CA8: variants seen among roughly 807,000 people sequenced by gnomAD.
CA8 encodes carbonic anhydrase-related protein.
CA8 carries 22 observed loss-of-function variants against 41.4 expected under a neutral mutation model. That is an observed-to-expected ratio of 0.53 (90% CI 0.38 to 0.76). The LOEUF is 0.76. Ranked by LOEUF, CA8 falls within the 30% of genes least tolerant of loss-of-function variation. The pLI is 0.00. For synonymous variants in CA8, 121 were observed against 130.6 expected (o/e 0.93, Z 0.50); for missense variants, 270 against 352.8 (o/e 0.77, Z 1.88).
chr8:60,253,016 G>C (rs10094553), intron 3 of CA8, among the ~76,000 whole-genome samples: 52,335 of 151,740 alleles, frequency 0.34, 9,431 homozygotes, highest in African/African-American at 0.44. Context: ...GACCACTTGA[G>C]GTCAGGAGTT....
chr8:60,273,781 G>A (rs921137043), intron 2 of CA8, among the ~76,000 whole-genome samples: 1 of 152,232 alleles, frequency 6.6e-6, no homozygotes, highest in African/African-American at 2.4e-5. Flanking sequence ...TTGGATTTAG[G>A]GGATGATGAG....
rs961710660 is a variant in CA8 at position 60,280,861 on chromosome 8, ACGCCTCCCTGGAG to A, written c.100+174_100+186del. Among the ~76,000 whole-genome samples, 4 of 152,036 alleles carry A rather than the reference ACGCCTCCCTGGAG, an allele frequency of 2.6e-5. No individual in the cohort carries two copies. In the East Asian group the frequency reaches 7.7e-4, roughly 29 times the overall value. On this transcript the variant is annotated intron_variant, in intron 1 of 8. Transcript: ENST00000317995. The stretch of plus-strand genomic sequence containing the variant: ...CGGCGGAAGAGCGCAGGCGGCGAGC[ACGCCTCCCTGGAG>A]CGCCTCCCGCCCGAAACGCACCAGG...
At chr8:60,211,832 T>A (rs936370214) in intron 7 of CA8, among the ~76,000 whole-genome samples, 1 of 152,322 alleles carries the variant, frequency 6.6e-6, no homozygotes, top group East Asian at 1.9e-4. Context: ...TTTAGTCACT[T>A]CAAATGGTTT....
chr8:60,231,862 C>A (rs2130494428), intron 4 of CA8, among the ~76,000 whole-genome samples: 2 of 152,270 alleles, frequency 1.3e-5, no homozygotes, highest in Non-Finnish European at 2.9e-5. Flanking sequence ...TAAGGCATTT[C>A]AAGTCATCTC....
At position 60,232,278 on chromosome 8, in the gene CA8, G is replaced by T. The variant is rs374622415; in HGVS notation, c.513+6C>A. 3 of 1,602,396 alleles carry T rather than the reference G, an allele frequency of 1.9e-6. No individual in the cohort carries two copies. The highest frequency in any genetic ancestry group is 2.6e-6 in the Non-Finnish European group (3 of 1,169,372). Reference sequence around the variant, plus strand: ...AACAATACGATAATCACAGCAGACCGTTTACCTGAACAAACAGAGCAATGA... The same window carrying T: ...AACAATACGATAATCACAGCAGACCTTTTACCTGAACAAACAGAGCAATGA... On this transcript the variant is annotated splice_donor_region_variant and intron_variant, in intron 4 of 8. Transcript: ENST00000317995.
chr8:60,195,266 C>T (rs1806249360), intron 8 of CA8, among the ~76,000 whole-genome samples: 1 of 152,180 alleles, frequency 6.6e-6, no homozygotes, highest in East Asian at 1.9e-4. Flanking sequence ...TAGCAGATGC[C>T]ATCTTTCACA....
At chr8:60,190,938 CTA>C (rs35486936) in intron 8 of CA8, among the ~76,000 whole-genome samples, 45,582 of 117,476 alleles carry the variant, frequency 0.39, 10,745 homozygotes, top group Admixed American at 0.51. Flanking sequence ...CACACACACA[CTA>C]TATATATATA....
At chr8:60,212,156 A>G (rs764305810) in intron 7 of CA8, among the ~76,000 whole-genome samples, 35 of 152,232 alleles carry the variant, frequency 2.3e-4, no homozygotes, top group Admixed American at 6.5e-4. Context: ...TCTTTGAACG[A>G]CAGGTGCACT....
At chr8:60,277,245 A>G (rs1804269370) in intron 2 of CA8, among the ~76,000 whole-genome samples, 3 of 152,302 alleles carry the variant, frequency 2.0e-5, no homozygotes, top group South Asian at 2.1e-4. Flanking sequence ...ACCACAGGAG[A>G]AACAGCTAGA....
At chr8:60,235,662 A>G (rs930744257) in intron 3 of CA8, among the ~76,000 whole-genome samples, 12 of 152,238 alleles carry the variant, frequency 7.9e-5, no homozygotes, top group African/African-American at 2.9e-4. Flanking sequence ...CCACAGAGGC[A>G]GGAAAATTAT....
chr8:60,194,100 T>C (rs1329660672), intron 8 of CA8, among the ~76,000 whole-genome samples: 1 of 152,138 alleles, frequency 6.6e-6, no homozygotes, highest in African/African-American at 2.4e-5. Context: ...TATTCCTTTC[T>C]TAATAGCACC....
intron 7 of CA8, among the ~76,000 whole-genome samples, chr8:60,211,126 CAT>C (rs1806820001): frequency 6.6e-6 from 1 of 152,182 alleles, no homozygotes; most frequent in South Asian, 2.1e-4. Flanking sequence ...TCAGTTTCCA[CAT>C]GTGTATAACA....
chr8:60,211,174 GGAAATAA>G (rs1268309481), intron 7 of CA8, among the ~76,000 whole-genome samples: 13 of 152,130 alleles, frequency 8.5e-5, no homozygotes, highest in African/African-American at 3.1e-4. Context: ...GGATAGCCTA[GGAAATAA>G]GAAAGAACAT....
chr8:60,248,063 G>A (rs916149193), intron 3 of CA8, among the ~76,000 whole-genome samples: 6 of 151,346 alleles, frequency 4.0e-5, no homozygotes, highest in African/African-American at 9.7e-5. Context: ...CTTTTGAGAA[G>A]TGTCTGTTCA....
intron 3 of CA8, among the ~76,000 whole-genome samples, chr8:60,239,521 T>C (rs185187418): frequency 2.4e-4 from 37 of 152,288 alleles, no homozygotes; most frequent in Non-Finnish European, 1.9e-4. Context: ...AATCTCATAA[T>C]GTTTTAAGAA....
At chr8:60,212,894 A>G (rs531361185) in intron 7 of CA8, among the ~76,000 whole-genome samples, 9 of 152,328 alleles carry the variant, frequency 5.9e-5, no homozygotes, top group African/African-American at 2.2e-4. Context: ...GTTCTTTATA[A>G]AAGTTAGTGC....
At chr8:60,276,991 C>A (rs1344228564) in intron 2 of CA8, among the ~76,000 whole-genome samples, 2 of 151,726 alleles carry the variant, frequency 1.3e-5, no homozygotes, top group Non-Finnish European at 2.9e-5. Flanking sequence ...TGGTGGCGGG[C>A]GCCTGTAATC....
intron 4 of CA8, among the ~76,000 whole-genome samples, chr8:60,228,066 T>A (rs189365895): frequency 2.6e-5 from 4 of 152,326 alleles, no homozygotes; most frequent in Admixed American, 2.6e-4. Flanking sequence ...GCTGTAGATA[T>A]GTTTACATTC....
chr8:60,271,071 A>T (rs1432461427), intron 2 of CA8, among the ~76,000 whole-genome samples: 2 of 152,220 alleles, frequency 1.3e-5, no homozygotes, highest in Non-Finnish European at 2.9e-5. Flanking sequence ...AGCCAGGTAC[A>T]GTGGCTCACA....
Sources: gnomAD v4.1 joint callset for allele counts (sites outside exome capture counted in the v4.1 genomes callset) on GRCh38, gnomAD v4.1.1 for gene constraint, MANE v1.5 for transcripts, NCBI Gene and HGNC (gene_info 2026-07-23, HGNC 2026-07-21) for gene names.